The following CHD3 variants were observed in gnomAD, a reference collection of about 807,000 sequenced individuals.
The protein encoded by CHD3 is chromodomain helicase DNA binding protein 3.
Under a neutral mutation model 248.9 loss-of-function variants are expected in CHD3, and 52 were observed. The ratio of observed to expected loss-of-function variants is 0.21; its 90% confidence interval spans 0.17 to 0.26. The LOEUF is 0.26. Among genes scored for constraint, CHD3 ranks in the 10% least tolerant of loss-of-function variants. CHD3 has a pLI of 1.00. For missense variants in CHD3, 1,482 were observed against 2,605.8 expected, an observed-to-expected ratio of 0.57 and a Z score of 9.39; for synonymous variants, 985 against 985.2, an observed-to-expected ratio of 1.00 and a Z score of 0.00.
intron 6 of CHD3, 52 bp from the exon 7 acceptor site, chr17:7,894,063 G>A (rs1043190902): frequency 1.3e-6 from 2 of 1,598,214 alleles, no homozygotes; most frequent in Non-Finnish European, 1.7e-6. Context: ...AAAGGCCTGG[G>A]GAGGGCGTAG....
Position 7,900,592 on chromosome 17 carries a change from A to G in CHD3, c.2839A>G (p.Ile947Val). ...GGGCTTCCTGGAGGAGTTTGCTGAC[A>G]TATCCAAAGAGGACCAGATCAAGAA... The part of the protein sequence containing the change: ...LEGFLEEFAD[I>V]SKEDQIKKLH... Residue 947 changes from isoleucine to valine, a missense_variant, in exon 18 of 40, where the codon ATA (isoleucine) becomes GTA (valine). Ile to Val is a conservative substitution (Grantham distance 29). Coordinates refer to ENST00000330494, the MANE Select transcript of CHD3 (RefSeq NM_001005273.3). This position sits in a 1 kb window ranked among gnomAD's most constrained non-coding sequence, Gnocchi z 6.5. The G allele has an allele frequency of 6.2e-7, 1 of 1,614,048 alleles. No homozygotes were observed. Among genetic ancestry groups the G allele is most frequent in the Non-Finnish European group, 8.5e-7 (1 of 1,179,962 alleles).
chr17:7,895,332 C>G lies in CHD3; in HGVS notation c.1504-7C>G. ...TTTCCTCCTCCTTGTACGTGTCCAT[C>G]CCAAAGTGCCCCGTGCTGAAGGGTC... is the stretch of plus-strand genomic sequence containing the variant. On this transcript the variant is annotated splice_polypyrimidine_tract_variant and splice_region_variant and intron_variant, in intron 9 of 39. Coordinates refer to ENST00000330494, the MANE Select transcript of CHD3 (RefSeq NM_001005273.3). The surrounding 1 kb of genome is among the most constrained non-coding windows in gnomAD (Gnocchi z 4.9). The G allele has an allele frequency of 6.2e-7, 1 of 1,613,978 alleles. No homozygotes were observed. The highest frequency in any genetic ancestry group is 8.5e-7 in the Non-Finnish European group (1 of 1,179,936).
chr17:7,888,959 AG>A lies in CHD3; in HGVS notation c.-40del. 6.2e-7 allele frequency: 1 copy of A among 1,613,822 alleles called. No homozygotes were observed. Among genetic ancestry groups the A allele is most frequent in the Non-Finnish European group, 8.5e-7 (1 of 1,179,846 alleles). The stretch of plus-strand genomic sequence containing the variant: ...GAAGGTAGGTTTTAGGCTACTTGGG[AG>A]GAGGAATATTTAGGTAATTGTGGAG... On this transcript the variant is annotated 5_prime_UTR_variant, in exon 1 of 40. The change abolishes the stop of an existing upstream ORF in the 5' untranslated region. Coordinates refer to ENST00000330494, the MANE Select transcript of CHD3 (RefSeq NM_001005273.3).
In CHD3 at chr17:7,889,201, C is replaced by A; in HGVS notation, c.100+101C>A. ...AGAACCCAGGTGTCCACCTTTGGCT[C>A]TCCCTCCCCAGCATCTGGCTTAGGG... On this transcript the variant is annotated intron_variant, in intron 1 of 39. Coordinates refer to ENST00000330494, the MANE Select transcript of CHD3 (RefSeq NM_001005273.3). The surrounding 1 kb of genome is among the most constrained non-coding windows in gnomAD (Gnocchi z 4.5). The A allele has an allele frequency of 1.4e-6, 2 of 1,450,206 alleles. No homozygotes were observed. The highest frequency in any genetic ancestry group is 9.5e-7 in the Non-Finnish European group (1 of 1,052,210). 89.8% of individuals were successfully genotyped at this position (1,450,206 alleles called of 1,614,324 possible). A position where few individuals can be genotyped will look rare whatever the true frequency, so the allele number is the denominator to read the frequency against.
chr17:7,905,791 T>C lies in CHD3; in HGVS notation c.4225-65T>C, dbSNP rs140028202. 5.0e-6 allele frequency: 8 copies of C among 1,613,798 alleles called. No homozygotes were observed. The highest frequency in any genetic ancestry group is 6.8e-6 in the Non-Finnish European group (8 of 1,179,814). On this transcript the variant is annotated intron_variant, in intron 27 of 39. Coordinates refer to ENST00000330494, the MANE Select transcript of CHD3 (RefSeq NM_001005273.3). The surrounding 1 kb of genome is among the most constrained non-coding windows in gnomAD (Gnocchi z 5.8). ...AAGTTGGTGCCTGGATCACTGAAGG[T>C]AGAAAGGACAAGACCTAAGAACCCT...
intron 6 of CHD3, 47 bp downstream of exon 6, chr17:7,893,982 C>G: frequency 6.4e-7 from 1 of 1,572,274 alleles, no homozygotes; most frequent in Non-Finnish European, 8.6e-7. Context: ...GCCAAGGATC[C>G]AGAGACAGGG....
Position 7,895,196 on chromosome 17 carries a change from C to G in CHD3, c.1503+46C>G, listed in dbSNP as rs777959330. ...TCTGTATTTACTGTCAGGCCTGATC[C>G]CTTCCCCCATCCCTGGGGCCCACAT... On this transcript the variant is annotated intron_variant, in intron 9 of 39. Coordinates refer to ENST00000330494, the MANE Select transcript of CHD3 (RefSeq NM_001005273.3). The surrounding 1 kb of genome is among the most constrained non-coding windows in gnomAD (Gnocchi z 4.9). 14 of 1,596,080 alleles carry G rather than the reference C, an allele frequency of 8.8e-6. No homozygotes were observed. The East Asian group carries it at 3.1e-4, about 36-fold the overall frequency.
chr17:7,899,811 A>G lies in CHD3; in HGVS notation c.2545-85A>G. 1 of 1,522,520 alleles carries G rather than the reference A, an allele frequency of 6.6e-7. No individual in the cohort carries two copies. The highest frequency in any genetic ancestry group is 9.0e-7 in the Non-Finnish European group (1 of 1,115,790). The allele number at this position is 1,522,520 out of a possible 1,614,324, so 94.3% of individuals were successfully genotyped here. ...AGAGTAATGGCTCCTGTTGGGAGCCACAGTCAGGACAAGGTGTCTGGTTCT... is the reference window on the plus strand; with the variant it reads ...AGAGTAATGGCTCCTGTTGGGAGCCGCAGTCAGGACAAGGTGTCTGGTTCT... On this transcript the variant is annotated intron_variant, in intron 15 of 39. Transcript: ENST00000330494. This position sits in a 1 kb window ranked among gnomAD's most constrained non-coding sequence, Gnocchi z 6.8.
In CHD3 at chr17:7,900,693, A is replaced by G. The variant is rs1219240087; in HGVS notation, c.2940A>G (p.Thr980=). 3 of 1,614,066 alleles carry G rather than the reference A, an allele frequency of 1.9e-6. No individual in the cohort carries two copies. The highest frequency in any genetic ancestry group is 2.5e-6 in the Non-Finnish European group (3 of 1,179,964). ...ADVFKNMPAK[T]ELIVRVELSP... is the part of the protein sequence containing the mutation. Reference sequence around the variant, plus strand: ...TCTTTAAGAACATGCCAGCCAAGACAGAGCTCATCGTTCGGGTGGAGCTAA... The same window carrying G: ...TCTTTAAGAACATGCCAGCCAAGACGGAGCTCATCGTTCGGGTGGAGCTAA... The change falls in exon 18 of 40, where the codon ACA becomes ACG. Residue 980 remains threonine, a synonymous_variant. Coordinates refer to ENST00000330494, the MANE Select transcript of CHD3 (RefSeq NM_001005273.3). The surrounding 1 kb of genome is among the most constrained non-coding windows in gnomAD (Gnocchi z 6.5).
chr17:7,889,833 A>G lies in CHD3; in HGVS notation c.213+57A>G. On this transcript the variant is annotated intron_variant, in intron 2 of 39. Coordinates refer to ENST00000330494, the MANE Select transcript of CHD3 (RefSeq NM_001005273.3). The surrounding 1 kb of genome is among the most constrained non-coding windows in gnomAD (Gnocchi z 4.5). ...AGGCTCAAGAGACCCATTCTCAGAGACCTACATTTTCTCTGGTCCTGATTA... is the reference window on the plus strand; with the variant it reads ...AGGCTCAAGAGACCCATTCTCAGAGGCCTACATTTTCTCTGGTCCTGATTA... The G allele has an allele frequency of 6.7e-7, 1 of 1,493,488 alleles. No homozygotes were observed. Among genetic ancestry groups the G allele is most frequent in the Non-Finnish European group, 9.2e-7 (1 of 1,089,198 alleles). The allele number at this position is 1,493,488 out of a possible 1,614,324, so 92.5% of individuals were successfully genotyped here. A position where few individuals can be genotyped will look rare whatever the true frequency, so the allele number is the denominator to read the frequency against.
rs1308891169 is a variant in CHD3 at position 7,907,734 on chromosome 17, C to T, written c.5026+32C>T. 6.6e-7 allele frequency: 1 copy of T among 1,515,834 alleles called. No individual in the cohort carries two copies. 93.9% of individuals were successfully genotyped at this position (1,515,834 alleles called of 1,614,324 possible). A position where few individuals can be genotyped will look rare whatever the true frequency, so the allele number is the denominator to read the frequency against. ...GGTGGAAGGGACCGGACACCTGGGT[C>T]CCAGAGGGCATCAGGGGAGGTGGAG... On this transcript the variant is annotated intron_variant, in intron 33 of 39. Coordinates refer to ENST00000330494, the MANE Select transcript of CHD3 (RefSeq NM_001005273.3). The surrounding 1 kb of genome is among the most constrained non-coding windows in gnomAD (Gnocchi z 4.3).
chr17:7,908,291 G>C lies in CHD3; in HGVS notation c.5153-111G>C. On this transcript the variant is annotated intron_variant, in intron 34 of 39. Transcript: ENST00000330494. This position sits in a 1 kb window ranked among gnomAD's most constrained non-coding sequence, Gnocchi z 5.8. ...CCTAACCTTTACCCATTCCTCTTCAGGAGCCCTTAGTTCCCTTTCATTATT... is the reference window on the plus strand; with the variant it reads ...CCTAACCTTTACCCATTCCTCTTCACGAGCCCTTAGTTCCCTTTCATTATT... The C allele has an allele frequency of 1.1e-6, 1 of 923,638 alleles. No individual in the cohort carries two copies. The allele number at this position is 923,638 out of a possible 1,614,324, so 57.2% of individuals were successfully genotyped here.
chr17:7,891,754 G>A (rs1233463053), intron 4 of CHD3, among the ~76,000 whole-genome samples: 2 of 151,954 alleles, frequency 1.3e-5, no homozygotes. Flanking sequence ...CCAGCTACTC[G>A]GGAGGCTAAG....
At position 7,899,887 on chromosome 17, in the gene CHD3, T is replaced by C. The variant is rs898646508; in HGVS notation, c.2545-9T>C. ...GTGGCAGCTGAATGGGCAATAATTATGTTGGCAGAGGGAGGCACAGGTGAA... is the reference window on the plus strand; with the variant it reads ...GTGGCAGCTGAATGGGCAATAATTACGTTGGCAGAGGGAGGCACAGGTGAA... On this transcript the variant is annotated splice_polypyrimidine_tract_variant and intron_variant, in intron 15 of 39. Transcript: ENST00000330494. This position sits in a 1 kb window ranked among gnomAD's most constrained non-coding sequence, Gnocchi z 6.8. 5.6e-6 allele frequency: 9 copies of C among 1,610,446 alleles called. No homozygotes were observed. Among genetic ancestry groups the C allele is most frequent in the Admixed American group, 1.7e-5 (1 of 59,938 alleles).
intron 4 of CHD3, 121 bp from the exon 5 acceptor site, chr17:7,893,165 T>G: frequency 7.5e-7 from 1 of 1,336,722 alleles, no homozygotes; most frequent in Non-Finnish European, 9.8e-7. Flanking sequence ...TTTTTCCTAA[T>G]AGGACATATT....
At position 7,891,032 on chromosome 17, in the gene CHD3, C is replaced by T; in HGVS notation, c.477C>T (p.Leu159=). ...HVFSEEDYHT[L]TNYKAFSQFM... ...TCTCTGAGGAGGATTACCACACGCT[C>T]ACCAACTACAAAGCCTTCAGCCAGT... The change falls in exon 4 of 40, where the codon CTC becomes CTT. Residue 159 remains leucine (L), a synonymous_variant. Coordinates refer to ENST00000330494, the MANE Select transcript of CHD3 (RefSeq NM_001005273.3). The T allele has an allele frequency of 6.8e-6, 11 of 1,614,146 alleles. No homozygotes were observed. The highest frequency in any genetic ancestry group is 8.5e-6 in the Non-Finnish European group (10 of 1,180,012).
intron 12 of CHD3, 48 bp from the exon 13 acceptor site, chr17:7,898,448 G>A (rs761253294): frequency 1.1e-5 from 15 of 1,370,958 alleles, no homozygotes; most frequent in African/African-American, 5.8e-5. Flanking sequence ...AAAAGAAAGC[G>A]TAGGACTCCC....
rs962081445 is a variant in CHD3, at chr17:7,903,565, G to T, written c.3727+62G>T. On this transcript the variant is annotated intron_variant, in intron 23 of 39. Coordinates refer to ENST00000330494, the MANE Select transcript of CHD3 (RefSeq NM_001005273.3). The surrounding 1 kb of genome is among the most constrained non-coding windows in gnomAD (Gnocchi z 6.8). ...CCTGCTCTCTCAGGAGTACTTATCA[G>T]CCCCCTGGGGAGAGAAAAACAACTC... 1 of 1,374,022 alleles carries T rather than the reference G, an allele frequency of 7.3e-7. No homozygotes were observed. Among genetic ancestry groups the T allele is most frequent in the African/African-American group, 1.4e-5 (1 of 69,032 alleles). The allele number at this position is 1,374,022 out of a possible 1,614,324, so 85.1% of individuals were successfully genotyped here.
rs367543897 is a variant in CHD3 at position 7,893,286 on chromosome 17, G to A, written c.510G>A (p.Arg170=). The change falls in exon 5 of 40, where the codon AGG becomes AGA. Residue 170 remains arginine (R), a splice_region_variant and synonymous_variant. Coordinates refer to ENST00000330494, the MANE Select transcript of CHD3 (RefSeq NM_001005273.3). ...GAGTTTTCTGCTTCTATATTTACAG[G>A]CCCCTAATTGCTAAGAAGAATCCTA... The part of the protein sequence containing the change: ...TNYKAFSQFM[R]PLIAKKNPKI... The A allele has an allele frequency of 2.5e-6, 4 of 1,602,868 alleles. No individual in the cohort carries two copies. Among genetic ancestry groups the A allele is most frequent in the Non-Finnish European group, 3.4e-6 (4 of 1,173,032 alleles).
Sources: gnomAD v4.1 joint callset for allele counts (sites outside exome capture counted in the v4.1 genomes callset) on GRCh38, gnomAD v4.1.1 for gene constraint, Gnocchi (gnomAD v3.1) non-coding constraint, MANE v1.5 for transcripts, NCBI Gene and HGNC (gene_info 2026-07-23, HGNC 2026-07-21) for gene names.